MMP24: variants seen among roughly 807,000 people sequenced by gnomAD.
MMP24 encodes the protein matrix metalloproteinase-24.
In MMP24, 25 loss-of-function variants were observed where a neutral mutation model predicts 62.8. That is an observed-to-expected ratio of 0.40 (90% confidence interval 0.29 to 0.56). The LOEUF (loss-of-function observed/expected upper bound fraction) is 0.56. Among genes scored for constraint, MMP24 ranks in the 20% least tolerant of loss-of-function variants. MMP24 has a pLI of 0.50. For synonymous variants in MMP24, 319 were observed against 350.5 expected (o/e 0.91, Z 1.00); for missense variants, 634 against 853.6 (o/e 0.74, Z 3.21).
chr20:35,254,410 C>G (rs1376180302), intron 3 of MMP24, 40 bp from the exon 4 acceptor site: 4 of 1,550,730 alleles, frequency 2.6e-6, no homozygotes, highest in Non-Finnish European at 3.5e-6. Context: ...TAGTCTCTGA[C>G]TCTCTGATCT....
Position 35,267,205 on chromosome 20 carries a change from G to A in MMP24, c.980G>A (p.Gly327Glu). ...TCTAAGATGCAGCTCCTCTCTCCAGGACCCCCAGCCGAGCCTCTGGAGCCC... is the reference window on the plus strand; with the variant it reads ...TCTAAGATGCAGCTCCTCTCTCCAGAACCCCCAGCCGAGCCTCTGGAGCCC... ...DDLQGIQKIY[G>E]PPAEPLEPTR... The change falls in exon 6 of 9, where the codon GGA (glycine) becomes GAA (glutamate). Residue 327 changes from glycine to glutamate, a missense_variant and splice_region_variant. Around this residue, in one of 3 missense-constraint regions of MMP24, gnomAD observed 399 missense variants for 530.8 expected, o/e 0.75. Coordinates refer to ENST00000246186, the MANE Select transcript of MMP24 (RefSeq NM_006690.4). 6.3e-7 allele frequency: 1 copy of A among 1,583,124 alleles called. No homozygotes were observed. The highest frequency in any genetic ancestry group is 8.6e-7 in the Non-Finnish European group (1 of 1,166,070).
At chr20:35,234,351 G>A (rs562635774) in intron 1 of MMP24, among the ~76,000 whole-genome samples, 3 of 152,306 alleles carry the variant, frequency 2.0e-5, no homozygotes, top group African/African-American at 7.2e-5. Flanking sequence ...GTAATGAAAT[G>A]TTTAGTATTT....
chr20:35,276,902 G>A lies in MMP24; in HGVS notation c.*2293G>A, dbSNP rs2060712232. On this transcript the variant is annotated 3_prime_UTR_variant, in exon 9 of 9. Transcript: ENST00000246186. ...CAGAGCCTAGCTTCCCCTCAGCCTGGGGGACATCACAGCATTTCAGTGTCA... is the reference window on the plus strand; with the variant it reads ...CAGAGCCTAGCTTCCCCTCAGCCTGAGGGACATCACAGCATTTCAGTGTCA... 1 of 152,748 alleles carries A rather than the reference G, an allele frequency of 6.5e-6. No individual in the cohort carries two copies. The allele number at this position is 152,748 out of a possible 1,614,324, so 9.5% of individuals were successfully genotyped here. A position where few individuals can be genotyped will look rare whatever the true frequency, so the allele number is the denominator to read the frequency against.
chr20:35,274,587 G>C lies in MMP24; in HGVS notation c.1916G>C (p.Arg639Pro). The C allele has an allele frequency of 1.2e-6, 2 of 1,612,702 alleles. No individual in the cohort carries two copies. Among genetic ancestry groups the C allele is most frequent in the Non-Finnish European group, 1.7e-6 (2 of 1,179,256 alleles). The change falls in exon 9 of 9, where the codon CGG (arginine) becomes CCG (proline). Residue 639 changes from arginine (R) to proline (P), a missense_variant. Physicochemically the swap from Arg to Pro is moderately radical, Grantham distance 103 (BLOSUM62 -2). This residue lies in a region of MMP24 where 399 missense variants were observed against 530.8 expected (regional missense o/e 0.75). Transcript: ENST00000246186. This position sits in a 1 kb window ranked among gnomAD's most constrained non-coding sequence, Gnocchi z 5.1. ...TGPQPVTYYK[R>P]PVQEWV Reference sequence around the variant, plus strand: ...CCTCAGCCTGTCACCTACTATAAGCGGCCAGTCCAGGAATGGGTGTGAGCA... The same window carrying C: ...CCTCAGCCTGTCACCTACTATAAGCCGCCAGTCCAGGAATGGGTGTGAGCA...
chr20:35,267,651 T>C (rs2425032), intron 6 of MMP24, among the ~76,000 whole-genome samples: 24,312 of 152,186 alleles, frequency 0.16, 2,145 homozygotes, highest in African/African-American at 0.23. Context: ...CTGGGGTTAA[T>C]GCTGGGAGAA....
chr20:35,245,429 T>C (rs1365141426), intron 1 of MMP24, among the ~76,000 whole-genome samples: 3 of 152,094 alleles, frequency 2.0e-5, no homozygotes, highest in African/African-American at 7.3e-5. Context: ...TCTCTCTTTA[T>C]ATATATAGGC....
At position 35,274,644 on chromosome 20, in the gene MMP24, C is replaced by A; in HGVS notation, c.*35C>A. 1.3e-6 allele frequency: 2 copies of A among 1,510,160 alleles called. No homozygotes were observed. 93.5% of individuals were successfully genotyped at this position (1,510,160 alleles called of 1,614,324 possible). ...AGCCCTCTCTATCCACTTGGTCTGG[C>A]CAGCCAGGCCCTTCCTCACCAGGGT... On this transcript the variant is annotated 3_prime_UTR_variant, in exon 9 of 9. Coordinates refer to ENST00000246186, the MANE Select transcript of MMP24 (RefSeq NM_006690.4). This position sits in a 1 kb window ranked among gnomAD's most constrained non-coding sequence, Gnocchi z 5.1.
Position 35,227,535 on chromosome 20 carries a change from C to G in MMP24, c.246+551C>G, listed in dbSNP as rs936148927. 3.3e-5 allele frequency among the ~76,000 whole-genome samples: 5 copies of G among 151,272 alleles called. No individual in the cohort carries two copies. The South Asian group carries it at 8.3e-4, about 25-fold the overall frequency. On this transcript the variant is annotated intron_variant, in intron 1 of 8. Transcript: ENST00000246186. Reference sequence around the variant, plus strand: ...GGTTGCAAGAAGACAAATTTGGGCTCGATATAGGAAGAAGTTTGTAACAAT... The same window carrying G: ...GGTTGCAAGAAGACAAATTTGGGCTGGATATAGGAAGAAGTTTGTAACAAT...
chr20:35,247,190 G>A (rs2060519682), intron 2 of MMP24, among the ~76,000 whole-genome samples: 1 of 152,110 alleles, frequency 6.6e-6, no homozygotes, highest in Non-Finnish European at 1.5e-5. Context: ...CATTCCATGT[G>A]ACCTTGGAGA....
intron 1 of MMP24, among the ~76,000 whole-genome samples, chr20:35,240,855 A>T (rs534118556): frequency 6.6e-6 from 1 of 152,216 alleles, no homozygotes; most frequent in Non-Finnish European, 1.5e-5. Context: ...TACAAAAATA[A>T]ATATGACACC....
chr20:35,269,304 C>G lies in MMP24; in HGVS notation c.1195-456C>G, dbSNP rs2060654266. ...GAGGAATGTGAATTCATGCCCAGGT[C>G]TCGAGGGAATTCCCATGACTTGGCT... is the stretch of plus-strand genomic sequence containing the variant. On this transcript the variant is annotated intron_variant, in intron 6 of 8. Coordinates refer to ENST00000246186, the MANE Select transcript of MMP24 (RefSeq NM_006690.4). This position sits in a 1 kb window ranked among gnomAD's most constrained non-coding sequence, Gnocchi z 4.6. 6.6e-6 allele frequency among the ~76,000 whole-genome samples: 1 copy of G among 152,210 alleles called. No individual in the cohort carries two copies.
At position 35,276,443 on chromosome 20, in the gene MMP24, C is replaced by T. The variant is rs1028789350; in HGVS notation, c.*1834C>T. On this transcript the variant is annotated 3_prime_UTR_variant, in exon 9 of 9. Coordinates refer to ENST00000246186, the MANE Select transcript of MMP24 (RefSeq NM_006690.4). ...CTGGGAGGCCGACGGTAACTCTCAC[C>T]GTGCCCTCAGATGAAGCACAGAGAG... is the stretch of plus-strand genomic sequence containing the variant. 5.0e-5 allele frequency: 20 copies of T among 397,432 alleles called. No individual in the cohort carries two copies. The highest frequency in any genetic ancestry group is 1.2e-4 in the African/African-American group (6 of 48,616). The allele number at this position is 397,432 out of a possible 1,614,324, so 24.6% of individuals were successfully genotyped here.
rs974798956 is a variant in MMP24 at position 35,226,922 on chromosome 20, C to A, written c.184C>A (p.Arg62=). Residue 62 remains arginine, a synonymous_variant, in exon 1 of 9, where the codon CGG becomes AGG. Coordinates refer to ENST00000246186, the MANE Select transcript of MMP24 (RefSeq NM_006690.4). ...AAAAAAGAGN[R]AAVAVAVARA... is the part of the protein sequence containing the mutation. ...GGCGGCGGCGGCGGGGGCAGGGAACCGGGCAGCGGTGGCGGTGGCGGTGGC... is the reference window on the plus strand; with the variant it reads ...GGCGGCGGCGGCGGGGGCAGGGAACAGGGCAGCGGTGGCGGTGGCGGTGGC... 19 of 978,468 alleles carry A rather than the reference C, an allele frequency of 1.9e-5. No individual in the cohort carries two copies. The African/African-American group carries it at 3.2e-4, about 16-fold the overall frequency. The allele number at this position is 978,468 out of a possible 1,614,324, so 60.6% of individuals were successfully genotyped here.
In MMP24 at chr20:35,271,029, A is replaced by G. The variant is rs2060666059; in HGVS notation, c.1334-540A>G. ...CACTCCAGCCTGGGCAACAAGAGCC[A>G]AACTCCATCTTAAAAAAAAGAAGTG... On this transcript the variant is annotated intron_variant, in intron 7 of 8. Coordinates refer to ENST00000246186, the MANE Select transcript of MMP24 (RefSeq NM_006690.4). This position sits in a 1 kb window ranked among gnomAD's most constrained non-coding sequence, Gnocchi z 4.0. Among the ~76,000 whole-genome samples the G allele has an allele frequency of 6.6e-6, 1 of 152,132 alleles. No individual in the cohort carries two copies. The highest frequency in any genetic ancestry group is 1.5e-5 in the Non-Finnish European group (1 of 68,006).
intron 5 of MMP24, among the ~76,000 whole-genome samples, chr20:35,265,722 C>A (rs2060629843): frequency 6.6e-6 from 1 of 151,224 alleles, no homozygotes; most frequent in South Asian, 2.1e-4. Context: ...TCTACCCCCC[C>A]AAAAATATAT....
intron 7 of MMP24, 144 bp downstream of exon 7, chr20:35,270,042 A>C: frequency 1.9e-6 from 2 of 1,078,236 alleles, no homozygotes; most frequent in Admixed American, 2.8e-5. Context: ...CCTCTGACAA[A>C]TCAAGTCAGA....
chr20:35,231,922 C>T (rs2060439813), intron 1 of MMP24, among the ~76,000 whole-genome samples: 1 of 152,122 alleles, frequency 6.6e-6, no homozygotes, highest in Admixed American at 6.5e-5. Flanking sequence ...CCTGGTGGTG[C>T]ATGCCTGTAA....
At chr20:35,254,886 A>T in intron 4 of MMP24, 132 bp downstream of exon 4, 1 of 1,039,878 alleles carries the variant, frequency 9.6e-7, no homozygotes, top group Non-Finnish European at 1.4e-6. Context: ...AGAGGGTGGG[A>T]ACTGTGATTT....
intron 5 of MMP24, 141 bp from the exon 6 acceptor site, chr20:35,267,064 C>A: frequency 1.5e-6 from 1 of 656,458 alleles, no homozygotes; most frequent in Non-Finnish European, 2.6e-6. Flanking sequence ...TTCTCAAAGA[C>A]TGGGGGAGTT....
Sources: gnomAD v4.1 joint callset for allele counts (sites outside exome capture counted in the v4.1 genomes callset) on GRCh38, gnomAD v4.1.1 for gene constraint, gnomAD v4.1.1 regional missense constraint, Gnocchi (gnomAD v3.1) non-coding constraint, MANE v1.5 for transcripts, NCBI Gene and HGNC (gene_info 2026-07-23, HGNC 2026-07-21) for gene names.